The following NR5A2 variants were observed in gnomAD, a reference collection of about 807,000 sequenced individuals.
NR5A2 encodes nuclear receptor subfamily 5 group A member 2.
Under a neutral mutation model 62.7 loss-of-function variants are expected in NR5A2, and 26 were observed. The observed-to-expected ratio is 0.41, with a 90% CI of 0.30 to 0.58. The LOEUF is 0.58. Among genes scored for constraint, NR5A2 ranks in the 20% least tolerant of loss-of-function variants. The pLI is 0.22. For missense variants in NR5A2, 541 were observed against 669.1 expected (o/e 0.81, Z 2.11); for synonymous variants, 246 against 241.7 (o/e 1.02, Z -0.16).
chr1:200,151,376 GA>G (rs1653106908), intron 7 of NR5A2, among the ~76,000 whole-genome samples: 1 of 152,172 alleles, frequency 6.6e-6, no homozygotes, highest in Non-Finnish European at 1.5e-5. Flanking sequence ...TGCCTCCCAT[GA>G]AACATTGTGC....
chr1:200,034,357 A>T (rs1661668837), intron 1 of NR5A2, among the ~76,000 whole-genome samples: 1 of 151,872 alleles, frequency 6.6e-6, no homozygotes, highest in South Asian at 2.1e-4. Flanking sequence ...ACCCGAGATT[A>T]TTTCCCCTGC....
chr1:200,085,655 C>G (rs1156930963), intron 5 of NR5A2, among the ~76,000 whole-genome samples: 2 of 140,702 alleles, frequency 1.4e-5, no homozygotes, highest in Admixed American at 7.3e-5. Context: ...AGAATGAAGA[C>G]CTATCTCAAA....
At chr1:200,146,506 T>C (rs951014544) in intron 7 of NR5A2, among the ~76,000 whole-genome samples, 3 of 152,258 alleles carry the variant, frequency 2.0e-5, no homozygotes, top group South Asian at 4.1e-4. Flanking sequence ...TGGAATTCTT[T>C]ATCTCTGTCC....
intron 5 of NR5A2, among the ~76,000 whole-genome samples, chr1:200,100,290 G>T (rs772804953): frequency 6.6e-6 from 1 of 151,852 alleles, no homozygotes; most frequent in African/African-American, 2.4e-5. Flanking sequence ...ATTTTCCTTC[G>T]TACTTCATTT....
At chr1:200,126,750 C>T (rs1205606438) in intron 7 of NR5A2, among the ~76,000 whole-genome samples, 1 of 151,232 alleles carries the variant, frequency 6.6e-6, no homozygotes, top group African/African-American at 2.4e-5. Flanking sequence ...CTGAACTCCT[C>T]AAGTGATTTG....
At chr1:200,102,312 A>G (rs1417201976) in intron 5 of NR5A2, among the ~76,000 whole-genome samples, 2 of 152,202 alleles carry the variant, frequency 1.3e-5, no homozygotes, top group African/African-American at 4.8e-5. Flanking sequence ...ATGACTTGTC[A>G]TGGTTGTGAA....
chr1:200,057,169 G>T (rs898792051), intron 5 of NR5A2, among the ~76,000 whole-genome samples: 4 of 152,288 alleles, frequency 2.6e-5, no homozygotes, highest in Admixed American at 2.6e-4. Context: ...TTTAAGACCT[G>T]TTGGAAAATG....
chr1:200,080,538 C>G (rs955311566), intron 5 of NR5A2, among the ~76,000 whole-genome samples: 3 of 152,140 alleles, frequency 2.0e-5, no homozygotes, highest in Non-Finnish European at 4.4e-5. Flanking sequence ...AAAATGAGCT[C>G]TGTAAACTCA....
chr1:200,034,583 G>T (rs1009332100), intron 1 of NR5A2, among the ~76,000 whole-genome samples: 8 of 136,360 alleles, frequency 5.9e-5, no homozygotes, highest in Non-Finnish European at 9.4e-5. Context: ...CTGGGGCAAG[G>T]GTGGGAGGTT....
chr1:200,129,314 C>T (rs991529730), intron 7 of NR5A2, among the ~76,000 whole-genome samples: 3 of 152,168 alleles, frequency 2.0e-5, no homozygotes, highest in African/African-American at 7.2e-5. Context: ...AAGCCAAGAA[C>T]TGCAGAGCAA....
chr1:200,064,609 G>T (rs943935674), intron 5 of NR5A2, among the ~76,000 whole-genome samples: 2 of 152,136 alleles, frequency 1.3e-5, no homozygotes, highest in African/African-American at 2.4e-5. Flanking sequence ...GCAAAGGGGA[G>T]CCACTGGAAA....
At chr1:200,100,364 C>T (rs1420485355) in intron 5 of NR5A2, among the ~76,000 whole-genome samples, 4 of 151,990 alleles carry the variant, frequency 2.6e-5, no homozygotes, top group Admixed American at 2.6e-4. Flanking sequence ...GTATTTTTAA[C>T]AGGATGTCTG....
At chr1:200,070,552 C>T (rs1321557777) in intron 5 of NR5A2, among the ~76,000 whole-genome samples, 1 of 151,806 alleles carries the variant, frequency 6.6e-6, no homozygotes, top group African/African-American at 2.4e-5. Context: ...TAGTTGCATG[C>T]ATCTGAGGTT....
At chr1:200,105,601 T>C (rs1265197200) in intron 5 of NR5A2, among the ~76,000 whole-genome samples, 1 of 152,226 alleles carries the variant, frequency 6.6e-6, no homozygotes, top group African/African-American at 2.4e-5. Flanking sequence ...AGTTCATATC[T>C]ACTTAAAACT....
At chr1:200,034,536 T>C (rs1661677338) in intron 1 of NR5A2, among the ~76,000 whole-genome samples, 1 of 140,936 alleles carries the variant, frequency 7.1e-6, no homozygotes, top group South Asian at 2.2e-4. Context: ...TAGATTCCGA[T>C]ATCCAGGCCA....
At chr1:200,122,964 G>GTA (rs1487951399) in intron 7 of NR5A2, among the ~76,000 whole-genome samples, 1 of 152,150 alleles carries the variant, frequency 6.6e-6, no homozygotes, top group African/African-American at 2.4e-5. Context: ...CTTTATTGAG[G>GTA]TATATAGATA....
intron 7 of NR5A2, among the ~76,000 whole-genome samples, chr1:200,131,790 C>T (rs1481806550): frequency 6.6e-6 from 1 of 152,140 alleles, no homozygotes; most frequent in Non-Finnish European, 1.5e-5. Flanking sequence ...TGCATTAGAT[C>T]TTCTTTCTAG....
At chr1:200,116,331 G>A (rs973844611) in intron 6 of NR5A2, among the ~76,000 whole-genome samples, 2 of 152,094 alleles carry the variant, frequency 1.3e-5, no homozygotes, top group African/African-American at 4.8e-5. Context: ...ATAATGTGGT[G>A]AATTTGTCAT....
intron 5 of NR5A2, among the ~76,000 whole-genome samples, chr1:200,099,501 T>C (rs1263304988): frequency 2.0e-5 from 3 of 152,148 alleles, no homozygotes; most frequent in Non-Finnish European, 4.4e-5. Context: ...GTGCATCTAT[T>C]TTACAAGCTG....
Sources: gnomAD v4.1 joint callset for allele counts (sites outside exome capture counted in the v4.1 genomes callset) on GRCh38, gnomAD v4.1.1 for gene constraint, MANE v1.5 for transcripts, NCBI Gene and HGNC (gene_info 2026-07-23, HGNC 2026-07-21) for gene names.